Variants in PTPRO observed in about 807,000 individuals in gnomAD.
The protein encoded by PTPRO is protein tyrosine phosphatase receptor type O, also known as receptor-type tyrosine-protein phosphatase O.
PTPRO carries 62 observed loss-of-function variants against 145.2 expected under a neutral mutation model. The ratio of observed to expected loss-of-function variants is 0.43; its 90% CI spans 0.35 to 0.53. The LOEUF (loss-of-function observed/expected upper bound fraction) is 0.53. Among genes scored for constraint, PTPRO ranks in the 20% least tolerant of loss-of-function variants. PTPRO has a pLI of 0.01. For synonymous variants in PTPRO, 565 were observed against 514.7 expected (o/e 1.10, Z -1.32); for missense variants, 1,345 against 1,482.7 (o/e 0.91, Z 1.53).
At chr12:15,360,068 A>G (rs1461092348) in intron 1 of PTPRO, among the ~76,000 whole-genome samples, 1 of 152,176 alleles carries the variant, frequency 6.6e-6, no homozygotes, top group Non-Finnish European at 1.5e-5. Flanking sequence ...CGCAGAGATT[A>G]TTCCTAATTA....
chr12:15,469,588 A>G (rs187442835), intron 1 of PTPRO, among the ~76,000 whole-genome samples: 12 of 152,264 alleles, frequency 7.9e-5, no homozygotes, highest in Admixed American at 7.8e-4. Flanking sequence ...CTTCCATCAA[A>G]CAGGCGAGCT....
intron 1 of PTPRO, among the ~76,000 whole-genome samples, chr12:15,388,479 G>T (rs901896451): frequency 6.6e-6 from 1 of 152,100 alleles, no homozygotes; most frequent in African/African-American, 2.4e-5. Context: ...TAGCTAGAGA[G>T]TCCTGCCATT....
intron 4 of PTPRO, among the ~76,000 whole-genome samples, chr12:15,501,242 T>G: frequency 6.7e-6 from 1 of 149,516 alleles, no homozygotes; most frequent in East Asian, 2.0e-4. Context: ...ACTTGTTTTG[T>G]TTTGGTTTTT....
chr12:15,457,006 G>T (rs1941195543), intron 1 of PTPRO, among the ~76,000 whole-genome samples: 1 of 151,666 alleles, frequency 6.6e-6, no homozygotes, highest in Non-Finnish European at 1.5e-5. Context: ...CTAATTTTGG[G>T]CTTAATGTAT....
intron 1 of PTPRO, among the ~76,000 whole-genome samples, chr12:15,411,868 T>C (rs1330397642): frequency 6.6e-6 from 1 of 152,234 alleles, no homozygotes; most frequent in African/African-American, 2.4e-5. Context: ...ATCACAGTGA[T>C]GGCAAAATAA....
At chr12:15,477,939 TGG>T (rs1304744453) in intron 1 of PTPRO, among the ~76,000 whole-genome samples, 1 of 152,180 alleles carries the variant, frequency 6.6e-6, no homozygotes, top group African/African-American at 2.4e-5. Context: ...GTTCCTCACC[TGG>T]CACATTGCCC....
chr12:15,479,084 C>A (rs1941723071), intron 1 of PTPRO, among the ~76,000 whole-genome samples: 2 of 152,324 alleles, frequency 1.3e-5, no homozygotes, highest in South Asian at 4.1e-4. Context: ...TCCCCAACCC[C>A]TCTATTCTAG....
chr12:15,522,476 A>G (rs1472127481), intron 10 of PTPRO, among the ~76,000 whole-genome samples: 2 of 151,892 alleles, frequency 1.3e-5, no homozygotes, highest in African/African-American at 4.8e-5. Context: ...ATTCATAACT[A>G]GGTATGCTTT....
At chr12:15,493,862 G>A (rs1442637945) in intron 2 of PTPRO, among the ~76,000 whole-genome samples, 1 of 152,232 alleles carries the variant, frequency 6.6e-6, no homozygotes, top group East Asian at 1.9e-4. Flanking sequence ...ATGATTAAAA[G>A]CAATTACTCT....
At chr12:15,440,664 A>C (rs1356160152) in intron 1 of PTPRO, among the ~76,000 whole-genome samples, 1 of 152,122 alleles carries the variant, frequency 6.6e-6, no homozygotes, top group Non-Finnish European at 1.5e-5. Flanking sequence ...ATTTCAAAAC[A>C]AGCCTGGACA....
chr12:15,581,223 C>T (rs1022058392), intron 22 of PTPRO, among the ~76,000 whole-genome samples: 1 of 151,636 alleles, frequency 6.6e-6, no homozygotes, highest in African/African-American at 2.4e-5. Flanking sequence ...TTTCAAGTTA[C>T]TAAAGGCAGT....
At position 15,559,618 on chromosome 12, in the gene PTPRO, A is replaced by G. The variant is rs557738458; in HGVS notation, c.2628-575A>G. ...TGAATGATATCCTTGTATCATCCAT[A>G]CCTCTGTTTTAAGGGTTATATTTAT... On this transcript the variant is annotated intron_variant, in intron 16 of 26. Coordinates refer to ENST00000281171, the MANE Select transcript of PTPRO (RefSeq NM_030667.3). Among the ~76,000 whole-genome samples, 124 of 152,276 alleles carry G rather than the reference A, an allele frequency of 8.1e-4. 3 individuals are homozygous for G. The South Asian group carries it at 0.026, about 31-fold the overall frequency.
At chr12:15,586,209 T>C (rs1310159043) in intron 23 of PTPRO, among the ~76,000 whole-genome samples, 1 of 152,226 alleles carries the variant, frequency 6.6e-6, no homozygotes, top group African/African-American at 2.4e-5. Flanking sequence ...TTTGTGAAAG[T>C]GCATTCTTAG....
intron 1 of PTPRO, among the ~76,000 whole-genome samples, chr12:15,461,848 G>A (rs1169258441): frequency 6.6e-6 from 1 of 152,054 alleles, no homozygotes; most frequent in Non-Finnish European, 1.5e-5. Flanking sequence ...TTACAGGCGT[G>A]AGCAACCATG....
intron 12 of PTPRO, among the ~76,000 whole-genome samples, chr12:15,543,882 G>A (rs575785234): frequency 2.0e-5 from 3 of 152,268 alleles, no homozygotes; most frequent in South Asian, 4.2e-4. Flanking sequence ...CTGACATAGA[G>A]CACTGCCCTG....
At chr12:15,417,214 C>T (rs1183343181) in intron 1 of PTPRO, among the ~76,000 whole-genome samples, 3 of 151,628 alleles carry the variant, frequency 2.0e-5, no homozygotes, top group Admixed American at 2.0e-4. Context: ...GGACATACAG[C>T]CTGATAAACC....
Position 15,403,756 on chromosome 12 carries a change from T to C in PTPRO, c.76-80218T>C, listed in dbSNP as rs768663403. ...CCTTCATGGTACTTAGCTCAATTTA[T>C]AATTTTTTATTTTGTTTACCTGATT... On this transcript the variant is annotated intron_variant, in intron 1 of 26. Coordinates refer to ENST00000281171, the MANE Select transcript of PTPRO (RefSeq NM_030667.3). Among the ~76,000 whole-genome samples, 53 of 152,126 alleles carry C rather than the reference T, an allele frequency of 3.5e-4. 1 individual carries two copies. Among genetic ancestry groups the C allele is most frequent in the Non-Finnish European group, 1.6e-4 (11 of 68,008 alleles).
intron 16 of PTPRO, among the ~76,000 whole-genome samples, chr12:15,559,369 AT>A (rs1175055494): frequency 6.6e-6 from 1 of 152,166 alleles, no homozygotes; most frequent in Non-Finnish European, 1.5e-5. Flanking sequence ...AGGTGACAGT[AT>A]TTTTCCCCCT....
chr12:15,357,152 T>C (rs559974166), intron 1 of PTPRO, among the ~76,000 whole-genome samples: 15 of 152,386 alleles, frequency 9.8e-5, no homozygotes, highest in Middle Eastern at 3.4e-3. Flanking sequence ...TTAGCAGCTC[T>C]GCTGCTGAAA....
Sources: gnomAD v4.1 joint callset for allele counts (sites outside exome capture counted in the v4.1 genomes callset) on GRCh38, gnomAD v4.1.1 for gene constraint, MANE v1.5 for transcripts, NCBI Gene and HGNC (gene_info 2026-07-23, HGNC 2026-07-21) for gene names.